PCBP3: variants seen among roughly 807,000 people sequenced by gnomAD.
PCBP3 encodes poly(rC)-binding protein 3.
PCBP3 carries 25 observed loss-of-function variants against 52.7 expected under a neutral mutation model. The ratio of observed to expected loss-of-function variants is 0.47; its 90% confidence interval spans 0.35 to 0.66. The LOEUF (loss-of-function observed/expected upper bound fraction) is 0.66, where lower values mean the gene tolerates loss of function less well. PCBP3 is among the 30% of genes least tolerant of loss of function. PCBP3 has a pLI of 0.01. For missense variants in PCBP3, 391 were observed against 490.3 expected, an observed-to-expected ratio of 0.80 and a Z score of 1.91; for synonymous variants, 162 against 183.0, an observed-to-expected ratio of 0.89 and a Z score of 0.93.
In PCBP3 at chr21:45,683,632, C is replaced by G. The variant is rs74275926; in HGVS notation, c.-200+14680C>G. Among the ~76,000 whole-genome samples, 118 of 152,248 alleles carry G rather than the reference C, an allele frequency of 7.8e-4. 2 individuals are homozygous for G. In the East Asian group the frequency reaches 0.023, roughly 29 times the overall value. On this transcript the variant is annotated intron_variant, in intron 2 of 17. Transcript: ENST00000681687. ...AAGAAGTTTATCACAGGAATCAATA[C>G]ACGTGAGTGTTTTAAAAATAAGGTG... is the stretch of plus-strand genomic sequence containing the variant.
chr21:45,937,017 C>A (rs1262898290), intron 16 of PCBP3, among the ~76,000 whole-genome samples: 2 of 152,166 alleles, frequency 1.3e-5, no homozygotes, highest in African/African-American at 4.8e-5. Context: ...TTCACCAGCA[C>A]CCCCAGATTT....
intron 16 of PCBP3, among the ~76,000 whole-genome samples, chr21:45,939,763 C>T (rs1022971110): frequency 2.6e-5 from 4 of 152,146 alleles, no homozygotes; most frequent in Non-Finnish European, 5.9e-5. Context: ...GCTGGGTGGG[C>T]CTCCTACAGG....
intron 4 of PCBP3, among the ~76,000 whole-genome samples, chr21:45,766,423 A>T (rs1434736415): frequency 6.6e-6 from 1 of 152,180 alleles, no homozygotes; most frequent in Non-Finnish European, 1.5e-5. Flanking sequence ...GGAGGAAGGG[A>T]TGCGAGAGCT....
intron 16 of PCBP3, among the ~76,000 whole-genome samples, chr21:45,939,604 G>A (rs2077234518): frequency 6.6e-6 from 1 of 152,242 alleles, no homozygotes; most frequent in Non-Finnish European, 1.5e-5. Flanking sequence ...GGGCAGAAGG[G>A]GTCTCCCTGG....
chr21:45,699,638 C>G (rs1004064721), intron 2 of PCBP3, among the ~76,000 whole-genome samples: 3 of 152,228 alleles, frequency 2.0e-5, no homozygotes, highest in Non-Finnish European at 4.4e-5. Context: ...ACTCACAGTT[C>G]CACATGGCTG....
In PCBP3 at chr21:45,928,296, G is replaced by A. The variant is rs746732751; in HGVS notation, c.718-1621G>A. Among the ~76,000 whole-genome samples, 7 of 152,180 alleles carry A rather than the reference G, an allele frequency of 4.6e-5. No individual in the cohort carries two copies. Among genetic ancestry groups the A allele is most frequent in the African/African-American group, 9.7e-5 (4 of 41,434 alleles). On this transcript the variant is annotated intron_variant, in intron 13 of 17. Coordinates refer to ENST00000681687, the MANE Select transcript of PCBP3 (RefSeq NM_001384156.1). This position sits in a 1 kb window ranked among gnomAD's most constrained non-coding sequence, Gnocchi z 4.1. ...CAGATAACCCGGCACACCCGTTCAC[G>A]TTACATCATGGGGCAGCGCAGATGC...
chr21:45,823,061 A>C (rs774838819), intron 4 of PCBP3, among the ~76,000 whole-genome samples: 1 of 152,200 alleles, frequency 6.6e-6, no homozygotes, highest in Non-Finnish European at 1.5e-5. Flanking sequence ...TAAGGGTGAG[A>C]TAAGATTGTA....
intron 4 of PCBP3, among the ~76,000 whole-genome samples, chr21:45,816,661 G>A (rs888304285): frequency 2.7e-5 from 4 of 150,766 alleles, no homozygotes; most frequent in South Asian, 2.1e-4. Flanking sequence ...AGTAACAGGC[G>A]TGGAGCTGTC....
At chr21:45,937,981 A>G (rs1376305401) in intron 16 of PCBP3, among the ~76,000 whole-genome samples, 1 of 152,252 alleles carries the variant, frequency 6.6e-6, no homozygotes, top group Admixed American at 6.5e-5. Context: ...CCTGTGGCAA[A>G]GGCAGCACCC....
At chr21:45,663,696 TTTA>T (rs2080570741) in intron 1 of PCBP3, among the ~76,000 whole-genome samples, 2 of 152,188 alleles carry the variant, frequency 1.3e-5, no homozygotes, top group Non-Finnish European at 2.9e-5. Flanking sequence ...GGTGTGTGGC[TTTA>T]TTTCTGATTT....
chr21:45,901,542 C>T (rs1420231881), intron 9 of PCBP3: 3 of 227,474 alleles, frequency 1.3e-5, no homozygotes, highest in East Asian at 1.0e-4. Flanking sequence ...CTCAGCCACA[C>T]AGCACCATGC....
intron 2 of PCBP3, among the ~76,000 whole-genome samples, chr21:45,732,504 A>ATTT (rs375222931): frequency 4.0e-4 from 57 of 142,012 alleles, no homozygotes; most frequent in Non-Finnish European, 7.2e-4. Context: ...TGCCTTTACG[A>ATTT]TTTTTTTTTT....
chr21:45,759,281 A>G (rs952884273), intron 4 of PCBP3, among the ~76,000 whole-genome samples: 3 of 152,170 alleles, frequency 2.0e-5, no homozygotes, highest in Non-Finnish European at 4.4e-5. Context: ...CATTAAAGCA[A>G]TTTGGGCCTG....
At chr21:45,659,506 C>A (rs2080245789) in intron 1 of PCBP3, among the ~76,000 whole-genome samples, 1 of 151,894 alleles carries the variant, frequency 6.6e-6, no homozygotes, top group Non-Finnish European at 1.5e-5. Flanking sequence ...CATTCCCCTA[C>A]ACCTGGCTAA....
chr21:45,846,048 G>A (rs1358624562), intron 4 of PCBP3, among the ~76,000 whole-genome samples: 2 of 152,142 alleles, frequency 1.3e-5, no homozygotes, highest in Admixed American at 6.5e-5. Context: ...ATTCCATCTC[G>A]TTTGTATCCA....
chr21:45,697,832 A>C lies in PCBP3; in HGVS notation c.-200+28880A>C, dbSNP rs576001171. ...TAAGACAGAGACAGAACATGTAGCC[A>C]TGGCTCATTTTTGAATCAGCTGTGT... On this transcript the variant is annotated intron_variant, in intron 2 of 17. Coordinates refer to ENST00000681687, the MANE Select transcript of PCBP3 (RefSeq NM_001384156.1). Among the ~76,000 whole-genome samples the C allele has an allele frequency of 3.9e-5, 6 of 152,108 alleles. No homozygotes were observed. The South Asian group carries it at 1.0e-3, about 26-fold the overall frequency.
intron 15 of PCBP3, among the ~76,000 whole-genome samples, chr21:45,934,426 G>A (rs2076660803): frequency 6.6e-6 from 1 of 152,212 alleles, no homozygotes; most frequent in South Asian, 2.1e-4. Flanking sequence ...CTGAGAGGTT[G>A]TCTTTTATCT....
At chr21:45,841,802 G>A (rs1324040827) in intron 4 of PCBP3, among the ~76,000 whole-genome samples, 1 of 152,216 alleles carries the variant, frequency 6.6e-6, no homozygotes, top group African/African-American at 2.4e-5. Flanking sequence ...GCAACCAAGA[G>A]GTCTCTCTGT....
chr21:45,671,347 T>C (rs1001359938), intron 2 of PCBP3, among the ~76,000 whole-genome samples: 1 of 152,342 alleles, frequency 6.6e-6, no homozygotes, highest in Admixed American at 6.5e-5. Flanking sequence ...GTGGTCTTTA[T>C]CAAATCCAGT....
Sources: allele counts gnomAD v4.1 joint callset (sites outside exome capture counted in the v4.1 genomes callset), GRCh38; gene constraint gnomAD v4.1.1; non-coding constraint Gnocchi (gnomAD v3.1); transcripts MANE v1.5; gene names NCBI Gene and HGNC (gene_info 2026-07-23, HGNC 2026-07-21).